ADGRG6: variants seen among roughly 807,000 people sequenced by gnomAD.
ADGRG6 encodes G-protein coupled receptor 126.
ADGRG6 carries 84 observed loss-of-function variants against 142.4 expected under a neutral mutation model. The ratio of observed to expected loss-of-function variants is 0.59; its 90% confidence interval spans 0.49 to 0.71. ADGRG6 has a LOEUF of 0.71. ADGRG6 is among the 30% of genes least tolerant of loss of function. The pLI, the probability that ADGRG6 is intolerant of heterozygous loss-of-function variation, is 0.00. For synonymous variants in ADGRG6, 521 were observed against 520.5 expected, an observed-to-expected ratio of 1.00 and a Z score of -0.01; for missense variants, 1,367 against 1,466.6, an observed-to-expected ratio of 0.93 and a Z score of 1.11.
chr6:142,415,181 A>G, intron 19 of ADGRG6, 85 bp downstream of exon 19: 5 of 1,046,276 alleles, frequency 4.8e-6, no homozygotes, highest in Non-Finnish European at 5.6e-6. Flanking sequence ...AAAAACATTT[A>G]TACACTGTAG....
chr6:142,418,606 A>C (rs912741446), intron 21 of ADGRG6, among the ~76,000 whole-genome samples: 3 of 152,182 alleles, frequency 2.0e-5, no homozygotes, highest in Admixed American at 1.3e-4. Context: ...TCATCAACTC[A>C]TACAGAACTT....
chr6:142,427,326 C>T lies in ADGRG6; in HGVS notation c.3319+7222C>T, dbSNP rs114904896. On this transcript the variant is annotated intron_variant, in intron 22 of 24. Transcript: ENST00000367609. Reference sequence around the variant, plus strand: ...CTCAAGTTCAAAGTTCCGCAAATCTCTAGGGTGGGATCAAAATGCCGCCAG... The same window carrying T: ...CTCAAGTTCAAAGTTCCGCAAATCTTTAGGGTGGGATCAAAATGCCGCCAG... Among the ~76,000 whole-genome samples the T allele has an allele frequency of 6.7e-3, 1,016 of 152,290 alleles. 13 individuals are homozygous for T. Among genetic ancestry groups the T allele is most frequent in the East Asian group, 0.043 (222 of 5,178 alleles).
intron 2 of ADGRG6, among the ~76,000 whole-genome samples, chr6:142,338,334 T>A (rs1779451180): frequency 6.6e-6 from 1 of 151,926 alleles, no homozygotes; most frequent in African/African-American, 2.4e-5. Flanking sequence ...GATAGTGTAT[T>A]GAAATTAAGG....
intron 4 of ADGRG6, among the ~76,000 whole-genome samples, chr6:142,378,529 A>C (rs1554245385): frequency 6.6e-6 from 1 of 152,212 alleles, no homozygotes; most frequent in Non-Finnish European, 1.5e-5. Context: ...GATGCAAGGG[A>C]ATAATGGGCA....
chr6:142,352,756 C>CA (rs1369131888), intron 2 of ADGRG6, among the ~76,000 whole-genome samples: 1 of 152,028 alleles, frequency 6.6e-6, no homozygotes, highest in East Asian at 1.9e-4. Flanking sequence ...ATATGCATCC[C>CA]AAAAGCATAT....
At chr6:142,372,642 G>A (rs1781314135) in intron 4 of ADGRG6, among the ~76,000 whole-genome samples, 1 of 152,196 alleles carries the variant, frequency 6.6e-6, no homozygotes, top group Admixed American at 6.5e-5. Context: ...ATAAGAGCTG[G>A]TGATGTTCCC....
At position 142,341,100 on chromosome 6, in the gene ADGRG6, A is replaced by G. The variant is rs138519463; in HGVS notation, c.104-26469A>G. On this transcript the variant is annotated intron_variant, in intron 2 of 24. Coordinates refer to ENST00000367609, the MANE Select transcript of ADGRG6 (RefSeq NM_198569.3). ...ATGTTATGAATGAAAGTGATCTTCA[A>G]AATGGAAAATTACATAGCCTAGAGT... Among the ~76,000 whole-genome samples the G allele has an allele frequency of 2.6e-5, 4 of 151,872 alleles. No homozygotes were observed. The East Asian group carries it at 7.8e-4, about 29-fold the overall frequency.
At position 142,397,622 on chromosome 6, in the gene ADGRG6, T is replaced by C; in HGVS notation, c.1434T>C (p.Leu478=). 6.2e-7 allele frequency: 1 copy of C among 1,608,626 alleles called. No homozygotes were observed. Among genetic ancestry groups the C allele is most frequent in the Non-Finnish European group, 8.5e-7 (1 of 1,177,814 alleles). The change falls in exon 10 of 25, where the codon CTT becomes CTC. Residue 478 remains leucine, a synonymous_variant. Transcript: ENST00000367609. ...CGAAATGTTTCCCTAGGTTGGTGCT[T>C]TGGGCCCTTCTAGTTTACAATGCTA... ...RSLEDEPRLV[L]WALLVYNATN...
intron 2 of ADGRG6, among the ~76,000 whole-genome samples, chr6:142,319,457 A>C (rs1171991792): frequency 6.6e-6 from 1 of 152,158 alleles, no homozygotes; most frequent in Admixed American, 6.6e-5. Context: ...TTTAAAATTT[A>C]GTCTATTGAC....
At chr6:142,425,402 C>G (rs1283046579) in intron 22 of ADGRG6, among the ~76,000 whole-genome samples, 1 of 152,162 alleles carries the variant, frequency 6.6e-6, no homozygotes, top group Non-Finnish European at 1.5e-5. Context: ...ACAAAATACT[C>G]ATCATTGATT....
chr6:142,390,742 C>T (rs1774852888), intron 7 of ADGRG6, among the ~76,000 whole-genome samples: 1 of 151,812 alleles, frequency 6.6e-6, no homozygotes, highest in Non-Finnish European at 1.5e-5. Context: ...TTCCACCCAT[C>T]CTTGCTGCTC....
intron 10 of ADGRG6, among the ~76,000 whole-genome samples, chr6:142,399,432 G>A (rs767196307): frequency 6.6e-6 from 1 of 152,136 alleles, no homozygotes; most frequent in Non-Finnish European, 1.5e-5. Context: ...TGGAGGGAGG[G>A]AGAATGCAAG....
chr6:142,346,378 A>T (rs960670529), intron 2 of ADGRG6, among the ~76,000 whole-genome samples: 1 of 152,110 alleles, frequency 6.6e-6, no homozygotes, highest in Non-Finnish European at 1.5e-5. Flanking sequence ...TGTAGTTTTG[A>T]TCTGCATTCT....
intron 21 of ADGRG6, among the ~76,000 whole-genome samples, chr6:142,419,490 T>C (rs1163281485): frequency 6.6e-6 from 1 of 152,160 alleles, no homozygotes; most frequent in Non-Finnish European, 1.5e-5. Context: ...CCATTCTCAG[T>C]GTACAGGCAC....
intron 10 of ADGRG6, among the ~76,000 whole-genome samples, chr6:142,398,379 C>T (rs2115002278): frequency 6.6e-6 from 1 of 152,272 alleles, no homozygotes; most frequent in East Asian, 1.9e-4. Flanking sequence ...GAGCCATGTT[C>T]ATGCCACTGC....
chr6:142,330,531 A>T (rs1163387612), intron 2 of ADGRG6, among the ~76,000 whole-genome samples: 1 of 152,196 alleles, frequency 6.6e-6, no homozygotes, highest in Non-Finnish European at 1.5e-5. Context: ...GTAATATACT[A>T]GGTCACCAGA....
intron 2 of ADGRG6, among the ~76,000 whole-genome samples, chr6:142,338,013 C>CTT (rs1779405902): frequency 3.8e-5 from 1 of 26,078 alleles, no homozygotes; most frequent in Non-Finnish European, 6.9e-5. Flanking sequence ...TGCCTTGTAT[C>CTT]TTTGTTTTTT....
chr6:142,400,103 T>A (rs1583094776), intron 10 of ADGRG6, among the ~76,000 whole-genome samples: 1 of 152,192 alleles, frequency 6.6e-6, no homozygotes, highest in East Asian at 1.9e-4. Context: ...CTTTCCCCTT[T>A]GAAAAAAATC....
At chr6:142,404,853 G>A (rs1479584571) in intron 14 of ADGRG6, among the ~76,000 whole-genome samples, 1 of 152,096 alleles carries the variant, frequency 6.6e-6, no homozygotes, top group Non-Finnish European at 1.5e-5. Context: ...GTGACAGTAC[G>A]GCTGGACACA....
Sources: gnomAD v4.1 joint callset for allele counts (sites outside exome capture counted in the v4.1 genomes callset) on GRCh38, gnomAD v4.1.1 for gene constraint, MANE v1.5 for transcripts, NCBI Gene and HGNC (gene_info 2026-07-23, HGNC 2026-07-21) for gene names.